Variants in LOXHD1 observed in about 807,000 individuals in gnomAD.
LOXHD1 encodes the protein lipoxygenase homology PLAT domains 1.
LOXHD1 carries 205 observed loss-of-function variants against 248.2 expected under a neutral mutation model. The ratio of observed to expected loss-of-function variants is 0.83; its 90% CI spans 0.74 to 0.93. LOXHD1 has a LOEUF of 0.93. LOXHD1 is among the 40% of genes least tolerant of loss of function. The probability of loss-of-function intolerance (pLI) is 0.00; values close to 1 mark genes in which losing one functional copy is unlikely to be tolerated. For synonymous variants in LOXHD1, 1,113 were observed against 1,162.8 expected, an observed-to-expected ratio of 0.96 and a Z score of 0.87; for missense variants, 2,930 against 2,971.6, an observed-to-expected ratio of 0.99 and a Z score of 0.33.
At chr18:46,531,172 A>C (rs1473592446) in intron 28 of LOXHD1, among the ~76,000 whole-genome samples, 1 of 152,136 alleles carries the variant, frequency 6.6e-6, no homozygotes, top group Non-Finnish European at 1.5e-5. Flanking sequence ...GTTGACCTGC[A>C]GAGGCTGGTC....
chr18:46,534,595 C>A, intron 26 of LOXHD1, 144 bp from the exon 27 acceptor site: 1 of 676,752 alleles, frequency 1.5e-6, no homozygotes, highest in Non-Finnish European at 2.7e-6. Context: ...GCCAGGCCAG[C>A]TCCCATTGTC....
rs542734391 is a variant in LOXHD1, at chr18:46,521,680, T to C, written c.5086-398A>G. ...GAAAATGGATTCTGCCAACAACCAG[T>C]GAGCTTGGAAGATGACCCCAAGCCC... On this transcript the variant is annotated intron_variant, in intron 32 of 40. Transcript: ENST00000642948. 8.7e-4 allele frequency among the ~76,000 whole-genome samples: 133 copies of C among 152,282 alleles called. 1 individual carries two copies. The highest frequency in any genetic ancestry group is 3.1e-3 in the African/African-American group (128 of 41,570).
chr18:46,648,334 C>T (rs1190309662), intron 2 of LOXHD1, among the ~76,000 whole-genome samples: 2 of 152,150 alleles, frequency 1.3e-5, no homozygotes, highest in African/African-American at 2.4e-5. Context: ...CGAGCTTCAC[C>T]ATTGAAAAGC....
chr18:46,535,001 A>G (rs1480810326), intron 26 of LOXHD1, among the ~76,000 whole-genome samples: 1 of 151,996 alleles, frequency 6.6e-6, no homozygotes, highest in Non-Finnish European at 1.5e-5. Context: ...CCTAACCCAT[A>G]CCTGCTCAAC....
intron 12 of LOXHD1, among the ~76,000 whole-genome samples, chr18:46,584,628 A>G (rs2038025180): frequency 6.6e-6 from 1 of 152,146 alleles, no homozygotes; most frequent in Admixed American, 6.5e-5. Context: ...TTATTACTGA[A>G]TTCTATCAAA....
chr18:46,639,863 T>G, intron 3 of LOXHD1, 63 bp from the exon 4 acceptor site: 1 of 1,527,656 alleles, frequency 6.5e-7, no homozygotes, highest in Non-Finnish European at 8.9e-7. Flanking sequence ...CCTTCCATAC[T>G]GGAATACCCA....
rs952203289 is a variant in LOXHD1 at position 46,557,544 on chromosome 18, C to T, written c.3217-55G>A. 6 of 1,546,060 alleles carry T rather than the reference C, an allele frequency of 3.9e-6. No individual in the cohort carries two copies. The African/African-American group carries it at 6.9e-5, about 18-fold the overall frequency. ...GTAAGACCTACCCCTCCCCACATGG[C>T]CATCAGCCCCATCCTCCCAAGAACC... On this transcript the variant is annotated intron_variant, in intron 20 of 40. Coordinates refer to ENST00000642948, the MANE Select transcript of LOXHD1 (RefSeq NM_001384474.1).
In LOXHD1 at chr18:46,545,627, C is replaced by CTTTTTTTTTT. The variant is rs56323729; in HGVS notation, c.3515-216_3515-207dup. On this transcript the variant is annotated intron_variant, in intron 22 of 40. Transcript: ENST00000642948. ...GTTTCTATGTTCCTCTTGGCCATTT[C>CTTTTTTTTTT]TTTTTTTTTTTTTTTTTTTTGAGAC... is the stretch of plus-strand genomic sequence containing the variant. Among the ~76,000 whole-genome samples the CTTTTTTTTTT allele has an allele frequency of 1.8e-3, 170 of 92,202 alleles. 10 individuals carry two copies. The highest frequency in any genetic ancestry group is 2.2e-3 in the African/African-American group (46 of 20,508). The allele number at this position is 92,202 out of a possible 152,430, so 60.5% of individuals were successfully genotyped here.
Position 46,506,037 on chromosome 18 carries a change from A to C in LOXHD1, c.5693-14T>G. ...CAGTGCCTGCTCCTGGGGGGTGCAC[A>C]AGGTGAGGCTTAGGGTGCCAGCCTC... On this transcript the variant is annotated splice_polypyrimidine_tract_variant and intron_variant, in intron 36 of 40. Transcript: ENST00000642948. 6.4e-7 allele frequency: 1 copy of C among 1,551,788 alleles called. No homozygotes were observed. The highest frequency in any genetic ancestry group is 8.7e-7 in the Non-Finnish European group (1 of 1,146,844).
intron 1 of LOXHD1, among the ~76,000 whole-genome samples, chr18:46,650,849 G>C (rs773159005): frequency 5.9e-5 from 9 of 152,160 alleles, no homozygotes; most frequent in Non-Finnish European, 1.2e-4. Context: ...GAGCCACAGA[G>C]ACCTGGATGC....
intron 8 of LOXHD1, among the ~76,000 whole-genome samples, chr18:46,599,043 A>G (rs2038299092): frequency 6.6e-6 from 1 of 152,202 alleles, no homozygotes; most frequent in African/African-American, 2.4e-5. Flanking sequence ...CTAAGACAGT[A>G]TAAACGTAAA....
intron 4 of LOXHD1, among the ~76,000 whole-genome samples, chr18:46,626,202 A>G (rs563240718): frequency 6.6e-6 from 1 of 152,308 alleles, no homozygotes; most frequent in South Asian, 2.1e-4. Flanking sequence ...AAAATAGGAG[A>G]TTTGGGGGGT....
intron 28 of LOXHD1, among the ~76,000 whole-genome samples, chr18:46,532,581 G>GAAGC (rs34842881): frequency 1.3e-5 from 2 of 152,068 alleles, no homozygotes; most frequent in African/African-American, 2.4e-5. Flanking sequence ...GGAAGTACAA[G>GAAGC]GAGTGGCCAG....
In LOXHD1 at chr18:46,548,066, C is replaced by T. The variant is rs117615537; in HGVS notation, c.3351-1008G>A. Reference sequence around the variant, plus strand: ...TGGCTCAATGTAGGCTCTCAGTAAGCATTGCTACTGCTATTGTCGCTCTTG... The same window carrying T: ...TGGCTCAATGTAGGCTCTCAGTAAGTATTGCTACTGCTATTGTCGCTCTTG... On this transcript the variant is annotated intron_variant, in intron 21 of 40. Coordinates refer to ENST00000642948, the MANE Select transcript of LOXHD1 (RefSeq NM_001384474.1). Among the ~76,000 whole-genome samples the T allele has an allele frequency of 4.4e-3, 664 of 152,334 alleles. 2 individuals carry two copies. The highest frequency in any genetic ancestry group is 6.3e-3 in the Admixed American group (96 of 15,308).
intron 15 of LOXHD1, among the ~76,000 whole-genome samples, chr18:46,571,025 G>C (rs2037741155): frequency 6.6e-6 from 1 of 152,166 alleles, no homozygotes; most frequent in African/African-American, 2.4e-5. Context: ...GGGTTTGCTG[G>C]GGTTGTGGAG....
At chr18:46,645,437 C>G (rs918023180) in intron 2 of LOXHD1, among the ~76,000 whole-genome samples, 5 of 152,204 alleles carry the variant, frequency 3.3e-5, no homozygotes, top group African/African-American at 9.7e-5. Context: ...GCCAGGCATT[C>G]TCTGACACAC....
chr18:46,484,163 A>G (rs2032838377), intron 39 of LOXHD1, among the ~76,000 whole-genome samples: 1 of 152,036 alleles, frequency 6.6e-6, no homozygotes, highest in Non-Finnish European at 1.5e-5. Flanking sequence ...CAGGGAGGGA[A>G]AAGCTAATGG....
chr18:46,592,554 T>A lies in LOXHD1; in HGVS notation c.1462A>T (p.Lys488Ter), dbSNP rs1296722565. Residue 488 changes from lysine to a stop codon, truncating the protein, a stop_gained, in exon 11 of 41, where the codon AAG becomes TAG. Transcript: ENST00000642948. LOFTEE classifies it high-confidence loss of function. The part of the protein sequence containing the change: ...IELPDLGRFY[K>*]IRVWHDKRSS... ...CTTTTATCATGCCATACTCGAATCT[T>A]ATAAAACCTGCCAAGATCCGGGAGC... is the stretch of plus-strand genomic sequence containing the variant. 1 of 1,551,622 alleles carries A rather than the reference T, an allele frequency of 6.4e-7. No individual in the cohort carries two copies. Among genetic ancestry groups the A allele is most frequent in the South Asian group, 1.2e-5 (1 of 84,058 alleles).
intron 7 of LOXHD1, 65 bp from the exon 8 acceptor site, chr18:46,601,532 C>A (rs1489813753): frequency 1.3e-6 from 2 of 1,549,112 alleles, no homozygotes; most frequent in South Asian, 1.2e-5. Context: ...CCCACCCCCT[C>A]CTCCCCTTCC....
Sources: gnomAD v4.1 joint callset for allele counts (sites outside exome capture counted in the v4.1 genomes callset) on GRCh38, gnomAD v4.1.1 for gene constraint, MANE v1.5 for transcripts, NCBI Gene and HGNC (gene_info 2026-07-23, HGNC 2026-07-21) for gene names.